NGF: variants seen among roughly 807,000 people sequenced by gnomAD.
NGF encodes the protein nerve growth factor.
In NGF, 4 loss-of-function variants were observed where a neutral mutation model predicts 12.8. That is an observed-to-expected ratio of 0.31 (90% CI 0.15 to 0.72). NGF has a LOEUF of 0.72. Ranked by LOEUF, NGF falls within the 30% of genes least tolerant of loss-of-function variation. The probability of loss-of-function intolerance (pLI) is 0.69; values close to 1 mark genes in which losing one functional copy is unlikely to be tolerated. For missense variants in NGF, 283 were observed against 330.8 expected, an observed-to-expected ratio of 0.86 and a Z score of 1.12; for synonymous variants, 140 against 130.0, an observed-to-expected ratio of 1.08 and a Z score of -0.52.
intron 1 of NGF, among the ~76,000 whole-genome samples, chr1:115,337,192 A>C (rs917369426): frequency 6.6e-6 from 1 of 150,700 alleles, no homozygotes; most frequent in South Asian, 2.1e-4. Context: ...TAATCTCTCA[A>C]ATCACAAGAG....
chr1:115,286,482 A>C lies in NGF; in HGVS notation c.314T>G (p.Phe105Cys). The change falls in exon 3 of 3, where the codon TTC becomes TGC. Residue 105 changes from phenylalanine (F) to cysteine (C), a missense_variant. By Grantham distance (205) the Phe-to-Cys change is radical. Around this residue, in one of 2 missense-constraint regions of NGF, gnomAD observed 132 missense variants for 189.2 expected, o/e 0.70. Coordinates refer to ENST00000369512, the MANE Select transcript of NGF (RefSeq NM_002506.3). ...REAADTQDLD[F>C]EVGGAAPFNR... ...GAAGGGGGCAGCACCACCGACCTCG[A>C]AGTCCAGATCCTGAGTGTCTGCAGC... is the stretch of plus-strand genomic sequence containing the variant. 6.2e-7 allele frequency: 1 copy of C among 1,614,014 alleles called. No individual in the cohort carries two copies. Among genetic ancestry groups the C allele is most frequent in the African/African-American group, 1.3e-5 (1 of 75,030 alleles).
chr1:115,332,752 A>G (rs1654956343), intron 1 of NGF, among the ~76,000 whole-genome samples: 1 of 152,166 alleles, frequency 6.6e-6, no homozygotes, highest in Non-Finnish European at 1.5e-5. Context: ...CTATGTCTCC[A>G]CTTTCCTGGA....
chr1:115,337,256 G>GTTTTGT (rs1242162738), intron 1 of NGF, among the ~76,000 whole-genome samples: 359 of 27,182 alleles, frequency 0.013, 1 homozygote, highest in Non-Finnish European at 0.023. Context: ...AATTTTTTTT[G>GTTTTGT]TTTTGTTTTT....
intron 1 of NGF, among the ~76,000 whole-genome samples, chr1:115,299,659 T>C (rs1388839782): frequency 1.3e-5 from 2 of 152,216 alleles, no homozygotes; most frequent in Non-Finnish European, 2.9e-5. Context: ...GTCCTTGTAG[T>C]ATAGCCCCTC....
chr1:115,313,628 AT>A (rs1486510409), intron 1 of NGF, among the ~76,000 whole-genome samples: 1 of 152,174 alleles, frequency 6.6e-6, no homozygotes, highest in Non-Finnish European at 1.5e-5. Flanking sequence ...TTGTTTTCTG[AT>A]CAGCTTTTGA....
At chr1:115,288,941 C>T (rs768672761) in intron 2 of NGF, among the ~76,000 whole-genome samples, 72 of 152,238 alleles carry the variant, frequency 4.7e-4, no homozygotes, top group Admixed American at 2.6e-4. Flanking sequence ...TCTTCTCCTC[C>T]ATACTGTGCT....
At chr1:115,303,854 C>T (rs939653511) in intron 1 of NGF, among the ~76,000 whole-genome samples, 1 of 152,188 alleles carries the variant, frequency 6.6e-6, no homozygotes, top group Non-Finnish European at 1.5e-5. Context: ...GTCATTTAGT[C>T]TCTTATGGAG....
At chr1:115,319,737 A>G (rs576571883) in intron 1 of NGF, among the ~76,000 whole-genome samples, 17 of 152,358 alleles carry the variant, frequency 1.1e-4, no homozygotes, top group Non-Finnish European at 1.9e-4. Context: ...CCATGCCCTC[A>G]GCTGGGCACC....
chr1:115,327,194 T>A (rs895265546), intron 1 of NGF, among the ~76,000 whole-genome samples: 2 of 152,228 alleles, frequency 1.3e-5, no homozygotes, highest in Non-Finnish European at 2.9e-5. Context: ...GTTTAAGAAG[T>A]CAAAATGACT....
chr1:115,317,930 C>T (rs562538479), intron 1 of NGF, among the ~76,000 whole-genome samples: 14 of 152,062 alleles, frequency 9.2e-5, no homozygotes, highest in African/African-American at 2.7e-4. Context: ...AGACCACAAG[C>T]ATTTCAGTGT....
chr1:115,294,889 T>A (rs529652794), intron 1 of NGF, among the ~76,000 whole-genome samples: 1 of 152,178 alleles, frequency 6.6e-6, no homozygotes, highest in African/African-American at 2.4e-5. Flanking sequence ...ATCCTCAGGA[T>A]ATTAGGAAGG....
chr1:115,294,402 C>A (rs988817848), intron 1 of NGF, among the ~76,000 whole-genome samples: 1 of 152,234 alleles, frequency 6.6e-6, no homozygotes, highest in Non-Finnish European at 1.5e-5. Context: ...TTTCTATTCT[C>A]CTCTCACTTC....
intron 1 of NGF, among the ~76,000 whole-genome samples, chr1:115,294,929 A>G (rs1349404572): frequency 6.6e-6 from 1 of 152,176 alleles, no homozygotes; most frequent in Admixed American, 6.5e-5. Context: ...AGAGGGTGAT[A>G]TTTACGGATA....
chr1:115,315,421 A>G (rs974839352), intron 1 of NGF, among the ~76,000 whole-genome samples: 7 of 152,150 alleles, frequency 4.6e-5, no homozygotes, highest in Non-Finnish European at 1.0e-4. Context: ...GAATAGGGTC[A>G]AAAGGACTTC....
chr1:115,337,247 A>ATTTTTTTTTTTTTTTTTTTTTTTTT (rs561812677), intron 1 of NGF, among the ~76,000 whole-genome samples: 1 of 87,932 alleles, frequency 1.1e-5, no homozygotes, highest in African/African-American at 4.3e-5. Context: ...GAATCTCGAA[A>ATTTTTTTTTTTTTTTTTTTTTTTTT]TTTTTTTTGT....
rs1253049246 is a variant in NGF at position 115,293,547 on chromosome 1, G to A, written c.-13+80C>T. ...CAGTTGGTTCTGACTTGCCCTCTCA[G>A]GTCCTGTCACTTGGGACTCCTGCTT... On this transcript the variant is annotated intron_variant, in intron 2 of 2. Coordinates refer to ENST00000369512, the MANE Select transcript of NGF (RefSeq NM_002506.3). The A allele has an allele frequency of 5.9e-5, 9 of 152,826 alleles. No individual in the cohort carries two copies. The East Asian group carries it at 1.7e-3, about 30-fold the overall frequency. 9.5% of individuals were successfully genotyped at this position (152,826 alleles called of 1,614,324 possible).
intron 1 of NGF, among the ~76,000 whole-genome samples, chr1:115,294,020 G>T (rs1212626727): frequency 1.3e-5 from 2 of 152,220 alleles, no homozygotes; most frequent in Non-Finnish European, 2.9e-5. Flanking sequence ...CTTGCACCTA[G>T]TGCAGGTGTT....
At chr1:115,291,662 A>G (rs2101024313) in intron 2 of NGF, among the ~76,000 whole-genome samples, 2 of 152,330 alleles carry the variant, frequency 1.3e-5, no homozygotes, top group South Asian at 4.1e-4. Flanking sequence ...TGAACCAGCG[A>G]TACATTCTGT....
chr1:115,297,101 A>G (rs2101029272), intron 1 of NGF, among the ~76,000 whole-genome samples: 1 of 152,324 alleles, frequency 6.6e-6, no homozygotes, highest in Non-Finnish European at 1.5e-5. Context: ...GTGTGATTCC[A>G]TAGTAGTATT....
Sources: gnomAD v4.1 joint callset for allele counts (sites outside exome capture counted in the v4.1 genomes callset) on GRCh38, gnomAD v4.1.1 for gene constraint, gnomAD v4.1.1 regional missense constraint, MANE v1.5 for transcripts, NCBI Gene and HGNC (gene_info 2026-07-23, HGNC 2026-07-21) for gene names.